The following FAP variants were observed in gnomAD, a reference collection of about 807,000 sequenced individuals.
FAP encodes the protein fibroblast activation protein alpha, also known as prolyl endopeptidase FAP.
A neutral mutation model predicts 126.5 loss-of-function variants in FAP; 110 were observed. The observed-to-expected ratio is 0.87, with a 90% CI of 0.74 to 1.02. FAP has a LOEUF of 1.02. Among genes scored for constraint, FAP ranks in the 50% least tolerant of loss-of-function variants. The pLI is 0.00. For synonymous variants in FAP, 334 were observed against 297.3 expected, an observed-to-expected ratio of 1.12 and a Z score of -1.27; for missense variants, 919 against 909.2, an observed-to-expected ratio of 1.01 and a Z score of -0.14.
intron 1 of FAP, 59 bp downstream of exon 1, chr2:162,243,263 T>C (rs78311905): frequency 3.1e-6 from 4 of 1,289,590 alleles, no homozygotes; most frequent in Non-Finnish European, 4.5e-6. Flanking sequence ...AAAACTCTGA[T>C]CACGTTCAAT....
Position 162,170,774 on chromosome 2 carries a change from T to C in FAP, c.*205A>G, listed in dbSNP as rs1462991812. ...AAGCAAAATGCATGACTCCCTTTTC[T>C]CTTCTTTCACAGAGTACCAGAAAAT... On this transcript the variant is annotated 3_prime_UTR_variant, in exon 26 of 26. Coordinates refer to ENST00000188790, the MANE Select transcript of FAP (RefSeq NM_004460.5). The C allele has an allele frequency of 6.0e-6, 3 of 503,036 alleles. No individual in the cohort carries two copies. Among genetic ancestry groups the C allele is most frequent in the Non-Finnish European group, 1.1e-5 (3 of 282,270 alleles). 31.2% of individuals were successfully genotyped at this position (503,036 alleles called of 1,614,324 possible).
At chr2:162,196,427 C>T (rs570378828) in intron 16 of FAP, among the ~76,000 whole-genome samples, 33 of 151,422 alleles carry the variant, frequency 2.2e-4, no homozygotes, top group Middle Eastern at 3.4e-3. Flanking sequence ...AGAAATGAGA[C>T]ATGAATATAA....
rs777028942 is a variant in FAP at position 162,216,019 on chromosome 2, A to G, written c.763-18T>C. On this transcript the variant is annotated intron_variant, in intron 9 of 25. Transcript: ENST00000188790. ...GCTCCAGCCTGCCAAGAAAATTGAGATATATAAGCTCATAAAATTCCAATT... is the reference window on the plus strand; with the variant it reads ...GCTCCAGCCTGCCAAGAAAATTGAGGTATATAAGCTCATAAAATTCCAATT... 1.3e-6 allele frequency: 2 copies of G among 1,562,248 alleles called. No individual in the cohort carries two copies. Among genetic ancestry groups the G allele is most frequent in the East Asian group, 4.5e-5 (2 of 44,666 alleles).
At chr2:162,182,145 G>A (rs1687715264) in intron 21 of FAP, among the ~76,000 whole-genome samples, 1 of 151,940 alleles carries the variant, frequency 6.6e-6, no homozygotes, top group South Asian at 2.1e-4. Flanking sequence ...GTGATGAGTG[G>A]GTTTTTAGAA....
chr2:162,192,911 C>T (rs144291939), intron 17 of FAP, among the ~76,000 whole-genome samples: 1 of 152,160 alleles, frequency 6.6e-6, no homozygotes, highest in Non-Finnish European at 1.5e-5. Flanking sequence ...AGATGAGCTG[C>T]TCTTCCTGTG....
intron 6 of FAP, among the ~76,000 whole-genome samples, chr2:162,222,405 G>T (rs923776707): frequency 3.3e-5 from 5 of 152,156 alleles, no homozygotes; most frequent in Admixed American, 3.3e-4. Flanking sequence ...ATGGATTTTA[G>T]ATTCTACTTT....
chr2:162,230,917 G>T lies in FAP; in HGVS notation c.92-4296C>A, dbSNP rs183759533. 3.3e-5 allele frequency among the ~76,000 whole-genome samples: 5 copies of T among 152,290 alleles called. No individual in the cohort carries two copies. In the East Asian group the frequency reaches 9.6e-4, roughly 29 times the overall value. ...ATCATTCCTTGACTACAAACTCACG[G>T]TAGGTGGGTGAGGCTGGCCTGCAGA... On this transcript the variant is annotated intron_variant, in intron 2 of 25. Transcript: ENST00000188790.
chr2:162,217,224 C>T (rs1327986071), intron 9 of FAP, among the ~76,000 whole-genome samples: 2 of 152,178 alleles, frequency 1.3e-5, no homozygotes, highest in Non-Finnish European at 2.9e-5. Context: ...ACAATATTCC[C>T]CTTGGCAAGT....
intron 25 of FAP, 80 bp from the exon 26 acceptor site, chr2:162,171,160 A>T (rs1687292602): frequency 7.1e-6 from 7 of 988,880 alleles, no homozygotes; most frequent in Middle Eastern, 2.1e-4. Flanking sequence ...TGCTCTCAGG[A>T]CCTGATAATC....
chr2:162,200,593 T>C lies in FAP; in HGVS notation c.1250A>G (p.Glu417Gly). The C allele has an allele frequency of 6.8e-7, 1 of 1,474,010 alleles. No homozygotes were observed. Among genetic ancestry groups the C allele is most frequent in the Non-Finnish European group, 9.3e-7 (1 of 1,077,356 alleles). The allele number at this position is 1,474,010 out of a possible 1,614,324, so 91.3% of individuals were successfully genotyped here. A position where few individuals can be genotyped will look rare whatever the true frequency, so the allele number is the denominator to read the frequency against. ...SLFYSSNEFE[E>G]YPGRRNIYRI... is the part of the protein sequence containing the mutation. ...GTAGATGTTTCTTCTTCCAGGGTAT[T>C]CTTCAAATTCATTGCTAGAATAAAA... is the stretch of plus-strand genomic sequence containing the variant. The change falls in exon 15 of 26, where the codon GAA (glutamate) becomes GGA (glycine). Residue 417 changes from glutamate (E) to glycine (G), a missense_variant. By Grantham distance (98) the Glu-to-Gly change is moderately conservative. Transcript: ENST00000188790.
At chr2:162,224,028 A>G (rs1003867163) in intron 5 of FAP, among the ~76,000 whole-genome samples, 2 of 152,162 alleles carry the variant, frequency 1.3e-5, no homozygotes, top group African/African-American at 2.4e-5. Context: ...ACAGCCTATA[A>G]GGATTACCCT....
chr2:162,171,473 A>G (rs1157203201), intron 25 of FAP: 1 of 169,276 alleles, frequency 5.9e-6, no homozygotes, highest in East Asian at 1.5e-4. Flanking sequence ...TTGTAGCTCA[A>G]AAATTCCATG....
chr2:162,213,663 G>A (rs1000320781), intron 11 of FAP, among the ~76,000 whole-genome samples: 5 of 151,962 alleles, frequency 3.3e-5, no homozygotes, highest in Non-Finnish European at 5.9e-5. Flanking sequence ...CATTATAATT[G>A]AGAACCAGAT....
intron 14 of FAP, among the ~76,000 whole-genome samples, chr2:162,202,088 T>C (rs1688521222): frequency 1.3e-5 from 2 of 152,246 alleles, no homozygotes; most frequent in African/African-American, 4.8e-5. Context: ...CTCCTAGAAT[T>C]TCAGCTAATA....
intron 21 of FAP, among the ~76,000 whole-genome samples, chr2:162,180,314 A>G (rs936174377): frequency 6.6e-6 from 1 of 152,192 alleles, no homozygotes; most frequent in Admixed American, 6.5e-5. Flanking sequence ...ACCACATTGG[A>G]GCTTGTGAAG....
At chr2:162,178,100 G>C (rs929496481) in intron 21 of FAP, among the ~76,000 whole-genome samples, 1 of 152,152 alleles carries the variant, frequency 6.6e-6, no homozygotes, top group Non-Finnish European at 1.5e-5. Context: ...AGTCTCATTA[G>C]AGGTGCATTT....
At position 162,184,566 on chromosome 2, in the gene FAP, C is replaced by T. The variant is rs1265650965; in HGVS notation, c.1815-1098G>A. ...CGGGACAAACAGATGGGAAGAGGCC[C>T]CGTTAGTCACAGCTTACCCGACACT... On this transcript the variant is annotated intron_variant, in intron 20 of 25. Transcript: ENST00000188790. Among the ~76,000 whole-genome samples, 3 of 152,278 alleles carry T rather than the reference C, an allele frequency of 2.0e-5. No individual in the cohort carries two copies. In the East Asian group the frequency reaches 5.8e-4, roughly 29 times the overall value.
chr2:162,227,930 A>G (rs1442021020), intron 2 of FAP, among the ~76,000 whole-genome samples: 2 of 152,070 alleles, frequency 1.3e-5, no homozygotes, highest in South Asian at 2.1e-4. Context: ...GTTTCCTTTT[A>G]TACATTTCCG....
intron 4 of FAP, among the ~76,000 whole-genome samples, chr2:162,225,066 G>A (rs1021005024): frequency 1.3e-5 from 2 of 152,026 alleles, no homozygotes; most frequent in Non-Finnish European, 2.9e-5. Flanking sequence ...ACTTGCAAAT[G>A]TTATTTCATT....
Sources: allele counts gnomAD v4.1 joint callset (sites outside exome capture counted in the v4.1 genomes callset), GRCh38; gene constraint gnomAD v4.1.1; transcripts MANE v1.5; gene names NCBI Gene and HGNC (gene_info 2026-07-23, HGNC 2026-07-21).